Variants in AKT2 observed in about 807,000 individuals in gnomAD.
AKT2 encodes RAC-beta serine/threonine-protein kinase.
In AKT2, 16 loss-of-function variants were observed where a neutral mutation model predicts 58.6. The ratio of observed to expected loss-of-function variants is 0.27; its 90% CI spans 0.18 to 0.41. AKT2 has a LOEUF of 0.41. Among genes scored for constraint, AKT2 ranks in the 10% least tolerant of loss-of-function variants. The pLI is 1.00. For synonymous variants in AKT2, 253 were observed against 254.0 expected, an observed-to-expected ratio of 1.00 and a Z score of 0.04; for missense variants, 438 against 661.0, an observed-to-expected ratio of 0.66 and a Z score of 3.70.
intron 6 of AKT2, chr19:40,241,604 T>A (rs951090920): frequency 5.5e-6 from 2 of 363,734 alleles, no homozygotes; most frequent in Admixed American, 4.1e-5. Context: ...GGCCTCCACC[T>A]GGGATACCCT....
intron 3 of AKT2, 30 bp from the exon 4 acceptor site, chr19:40,255,299 G>A (rs745845373): frequency 1.0e-5 from 16 of 1,579,512 alleles, no homozygotes; most frequent in Non-Finnish European, 1.3e-5. Context: ...ACAGCAGGGG[G>A]CTGAGGGGAT....
In AKT2 at chr19:40,235,792, C is replaced by A; in HGVS notation, c.1175+98G>T. Reference sequence around the variant, plus strand: ...TGTGTGGGGACGACACACTGCGACCCTACAAGCGAGCACCCTTGTGGACGC... The same window carrying A: ...TGTGTGGGGACGACACACTGCGACCATACAAGCGAGCACCCTTGTGGACGC... On this transcript the variant is annotated intron_variant, in intron 11 of 13. Transcript: ENST00000392038. This position sits in a 1 kb window ranked among gnomAD's most constrained non-coding sequence, Gnocchi z 6.3. The A allele has an allele frequency of 7.7e-7, 1 of 1,294,924 alleles. No homozygotes were observed. The highest frequency in any genetic ancestry group is 1.1e-6 in the Non-Finnish European group (1 of 950,336). 80.2% of individuals were successfully genotyped at this position (1,294,924 alleles called of 1,614,324 possible).
chr19:40,263,600 C>T (rs911360141), intron 2 of AKT2, among the ~76,000 whole-genome samples: 1 of 152,208 alleles, frequency 6.6e-6, no homozygotes, highest in Non-Finnish European at 1.5e-5. Flanking sequence ...CAGGCTCAGG[C>T]TGGGGGACTG....
At chr19:40,258,018 G>A (rs1160678581) in intron 2 of AKT2, among the ~76,000 whole-genome samples, 3 of 151,832 alleles carry the variant, frequency 2.0e-5, no homozygotes, top group Non-Finnish European at 2.9e-5. Context: ...AGGCCGAGGC[G>A]AGCGGATCAC....
chr19:40,242,283 C>T lies in AKT2; in HGVS notation c.442-214G>A, dbSNP rs1974458035. 8 of 867,422 alleles carry T rather than the reference C, an allele frequency of 9.2e-6. No individual in the cohort carries two copies. The highest frequency in any genetic ancestry group is 3.2e-5 in the South Asian group (2 of 63,438). 53.7% of individuals were successfully genotyped at this position (867,422 alleles called of 1,614,324 possible). A position where few individuals can be genotyped will look rare whatever the true frequency, so the allele number is the denominator to read the frequency against. On this transcript the variant is annotated intron_variant, in intron 5 of 13. Transcript: ENST00000392038. This position sits in a 1 kb window ranked among gnomAD's most constrained non-coding sequence, Gnocchi z 4.3. ...GGGCCTTGGGAGGGCTGGGCTCTGA[C>T]GTGGGGGTAGCCAGGTCTTCACCAA...
Position 40,235,311 on chromosome 19 carries a change from C to T in AKT2, c.1215G>A (p.Glu405=), listed in dbSNP as rs920071176. Residue 405 remains glutamate, a synonymous_variant, in exon 12 of 14, where the codon GAG becomes GAA. Coordinates refer to ENST00000392038, the MANE Select transcript of AKT2 (RefSeq NM_001626.6). The surrounding 1 kb of genome is among the most constrained non-coding windows in gnomAD (Gnocchi z 6.3). ...AGTTGATGCTGAGGAAGAACCTGTG[C>T]TCCATGACCTCCTTGGCATCGCTGG... is the stretch of plus-strand genomic sequence containing the variant. ...GGPSDAKEVM[E]HRFFLSINWQ... 2.5e-5 allele frequency: 41 copies of T among 1,613,936 alleles called. No homozygotes were observed. The highest frequency in any genetic ancestry group is 1.7e-6 in the Non-Finnish European group (2 of 1,180,038).
chr19:40,256,680 G>A (rs1477577417), intron 3 of AKT2, among the ~76,000 whole-genome samples: 1 of 152,228 alleles, frequency 6.6e-6, no homozygotes, highest in Non-Finnish European at 1.5e-5. Flanking sequence ...ACAAGGAGGC[G>A]ATGCATGGGG....
chr19:40,262,609 G>A (rs530380944), intron 2 of AKT2, among the ~76,000 whole-genome samples: 1 of 152,336 alleles, frequency 6.6e-6, no homozygotes, highest in Middle Eastern at 3.4e-3. Flanking sequence ...GGCAGCACGT[G>A]GGCCAGGCCT....
At chr19:40,274,354 A>G (rs2077271091) in intron 1 of AKT2, 1 of 153,186 alleles carries the variant, frequency 6.5e-6, no homozygotes, top group African/African-American at 2.4e-5. Flanking sequence ...AGTGAAGGTA[A>G]AACAAAAAAT....
intron 2 of AKT2, 109 bp from the exon 3 acceptor site, chr19:40,257,163 G>A: frequency 7.0e-7 from 1 of 1,433,516 alleles, no homozygotes; most frequent in Non-Finnish European, 9.7e-7. Context: ...GGTACCACGG[G>A]GCGGGGAGGT....
chr19:40,238,756 A>C lies in AKT2; in HGVS notation c.708+149T>G. ...CTCAGTGACTGCCCCCCCAAAATGG[A>C]GACGAAGCCGCCTGCCTCAAGGGAG... On this transcript the variant is annotated intron_variant, in intron 8 of 13. Coordinates refer to ENST00000392038, the MANE Select transcript of AKT2 (RefSeq NM_001626.6). The surrounding 1 kb of genome is among the most constrained non-coding windows in gnomAD (Gnocchi z 5.1). 4 of 802,312 alleles carry C rather than the reference A, an allele frequency of 5.0e-6. No individual in the cohort carries two copies. Among genetic ancestry groups the C allele is most frequent in the Non-Finnish European group, 8.3e-6 (4 of 483,198 alleles). 49.7% of individuals were successfully genotyped at this position (802,312 alleles called of 1,614,324 possible). A position where few individuals can be genotyped will look rare whatever the true frequency, so the allele number is the denominator to read the frequency against.
At chr19:40,257,984 C>T (rs1187743958) in intron 2 of AKT2, among the ~76,000 whole-genome samples, 1 of 152,118 alleles carries the variant, frequency 6.6e-6, no homozygotes, top group Non-Finnish European at 1.5e-5. Context: ...CGGTGGCGCA[C>T]ACCTGTAATC....
chr19:40,256,788 G>A, intron 3 of AKT2, 138 bp downstream of exon 3: 3 of 1,339,190 alleles, frequency 2.2e-6, no homozygotes, highest in Non-Finnish European at 2.1e-6. Flanking sequence ...GGGAGAGCAG[G>A]GGAAGGGTGA....
At chr19:40,249,529 T>C (rs781351402) in intron 4 of AKT2, among the ~76,000 whole-genome samples, 6 of 152,056 alleles carry the variant, frequency 3.9e-5, no homozygotes, top group Non-Finnish European at 8.8e-5. Context: ...GAAGCAGAGG[T>C]GGCAGGGCTG....
intron 1 of AKT2, among the ~76,000 whole-genome samples, chr19:40,278,919 G>C (rs1267059547): frequency 6.6e-6 from 1 of 151,020 alleles, no homozygotes; most frequent in African/African-American, 2.4e-5. Flanking sequence ...TCTCACCCAC[G>C]TCAGCTACCC....
Position 40,285,160 on chromosome 19 carries a change from GACACGCGC to G in AKT2, c.-85+13_-85+20del, listed in dbSNP as rs2077492979. On this transcript the variant is annotated intron_variant, in intron 1 of 13. Transcript: ENST00000392038. ...GACCATCGTGGGGGGGGCGTTCGGG[GACACGCGC>G]TGGCGCACTCACCTGTCACCGGCAG... 2.5e-6 allele frequency: 1 copy of G among 393,570 alleles called. No homozygotes were observed. Among genetic ancestry groups the G allele is most frequent in the African/African-American group, 2.1e-5 (1 of 48,322 alleles). 24.4% of individuals were successfully genotyped at this position (393,570 alleles called of 1,614,324 possible).
intron 6 of AKT2, chr19:40,240,891 A>C (rs1467307057): frequency 6.5e-6 from 1 of 153,246 alleles, no homozygotes; most frequent in Admixed American, 6.5e-5. Flanking sequence ...GGCTCCACTG[A>C]TCCTCCCACT....
chr19:40,278,149 T>A (rs1037276367), intron 1 of AKT2, among the ~76,000 whole-genome samples: 4 of 152,178 alleles, frequency 2.6e-5, no homozygotes, highest in Non-Finnish European at 5.9e-5. Context: ...AAAGAAATCA[T>A]GATGACAACA....
At chr19:40,253,613 T>C (rs143979699) in intron 4 of AKT2, among the ~76,000 whole-genome samples, 361 of 152,232 alleles carry the variant, frequency 2.4e-3, no homozygotes, top group African/African-American at 7.8e-3. Context: ...CACAAGGCCA[T>C]GGGGGCACTC....
Sources: gnomAD v4.1 joint callset for allele counts (sites outside exome capture counted in the v4.1 genomes callset) on GRCh38, gnomAD v4.1.1 for gene constraint, Gnocchi (gnomAD v3.1) non-coding constraint, MANE v1.5 for transcripts, NCBI Gene and HGNC (gene_info 2026-07-23, HGNC 2026-07-21) for gene names.